TGM6: variants seen among roughly 807,000 people sequenced by gnomAD.
The protein encoded by TGM6 is protein-glutamine gamma-glutamyltransferase 6.
Under a neutral mutation model 77.5 loss-of-function variants are expected in TGM6, and 74 were observed. The observed-to-expected ratio is 0.96, with a 90% CI of 0.79 to 1.16. The LOEUF is 1.16. TGM6 is among the 50% of genes most tolerant of loss of function. TGM6 has a pLI of 0.00. For missense variants in TGM6, 968 were observed against 940.2 expected, an observed-to-expected ratio of 1.03 and a Z score of -0.39; for synonymous variants, 383 against 378.9, an observed-to-expected ratio of 1.01 and a Z score of -0.12.
chr20:2,396,383 T>A, intron 3 of TGM6, 123 bp from the exon 4 acceptor site: 2 of 941,346 alleles, frequency 2.1e-6, no homozygotes, highest in East Asian at 2.4e-5. Flanking sequence ...AGCCCCCTCT[T>A]GACCTCTCCT....
chr20:2,430,786 G>A, intron 11 of TGM6, 108 bp from the exon 12 acceptor site: 1 of 1,603,430 alleles, frequency 6.2e-7, no homozygotes, highest in South Asian at 1.1e-5. Context: ...GTATATGGAG[G>A]TGGGGGTGGA....
chr20:2,403,920 T>C (rs2084732421), intron 9 of TGM6, 97 bp downstream of exon 9: 2 of 1,595,852 alleles, frequency 1.3e-6, no homozygotes, highest in African/African-American at 1.3e-5. Flanking sequence ...CCTCACCCCA[T>C]GTATATGACG....
chr20:2,412,040 C>T (rs545104473), intron 9 of TGM6, among the ~76,000 whole-genome samples: 21 of 152,246 alleles, frequency 1.4e-4, no homozygotes, highest in African/African-American at 4.6e-4. Context: ...ACCCTGAATA[C>T]GCCCAATCTC....
chr20:2,394,327 G>T (rs578144225), intron 1 of TGM6, 125 bp from the exon 2 acceptor site: 1 of 1,104,116 alleles, frequency 9.1e-7, no homozygotes, highest in Admixed American at 1.9e-5. Flanking sequence ...ACAGAGAATC[G>T]CCGGTATATG....
At chr20:2,423,062 G>A (rs1173212355) in intron 10 of TGM6, among the ~76,000 whole-genome samples, 3 of 151,622 alleles carry the variant, frequency 2.0e-5, no homozygotes, top group Non-Finnish European at 4.4e-5. Context: ...ATAAAGCAGT[G>A]GCAGGGTTTG....
intron 10 of TGM6, among the ~76,000 whole-genome samples, chr20:2,421,112 G>A (rs905021564): frequency 2.0e-5 from 3 of 151,874 alleles, no homozygotes; most frequent in South Asian, 2.1e-4. Flanking sequence ...TCAGCCTCTC[G>A]AGTAGCTGGG....
chr20:2,403,970 G>A, intron 9 of TGM6, 147 bp downstream of exon 9: 2 of 1,344,272 alleles, frequency 1.5e-6, no homozygotes, highest in Non-Finnish European at 2.1e-6. Flanking sequence ...TGTGCTCTGA[G>A]CCAAGTGCCT....
Position 2,399,639 on chromosome 20 carries a change from TGGC to T in TGM6, c.753_755del (p.Trp251_Arg252delinsCys). On this transcript the variant is annotated inframe_deletion, in exon 6 of 13. Transcript: ENST00000202625. ...CGGCGGCGGCACCAGCCCGCTGCAC[TGGC>T]GCGGCAGCGTGGCCATTCTGCAGAA... The T allele has an allele frequency of 6.2e-7, 1 of 1,613,532 alleles. No homozygotes were observed. Among genetic ancestry groups the T allele is most frequent in the Non-Finnish European group, 8.5e-7 (1 of 1,179,992 alleles).
At chr20:2,428,735 G>A (rs2084905310) in intron 10 of TGM6, among the ~76,000 whole-genome samples, 1 of 152,080 alleles carries the variant, frequency 6.6e-6, no homozygotes, top group East Asian at 1.9e-4. Flanking sequence ...TCATGGAATT[G>A]TTGTAAGGAT....
At chr20:2,400,052 C>G (rs1309853318) in intron 6 of TGM6, among the ~76,000 whole-genome samples, 5 of 152,168 alleles carry the variant, frequency 3.3e-5, no homozygotes, top group Non-Finnish European at 7.4e-5. Context: ...TTCCTGCCAG[C>G]CTCAAAGCCT....
rs757198481 is a variant in TGM6 at position 2,417,559 on chromosome 20, T to C, written c.1664T>C (p.Leu555Pro). 1.2e-6 allele frequency: 2 copies of C among 1,601,872 alleles called. No homozygotes were observed. Among genetic ancestry groups the C allele is most frequent in the South Asian group, 2.2e-5 (2 of 90,834 alleles). ...EILHESHAVR[L>P]GPQEEKRIPI... ...CTGCATGAATCCCACGCCGTGAGGCTGGGGCCGCAAGAAGGTAAGTGTACG... is the reference window on the plus strand; with the variant it reads ...CTGCATGAATCCCACGCCGTGAGGCCGGGGCCGCAAGAAGGTAAGTGTACG... Residue 555 changes from leucine (L) to proline (P), a missense_variant, in exon 10 of 13, where the codon CTG (leucine) becomes CCG (proline). Physicochemically the swap from Leu to Pro is moderately conservative, Grantham distance 98 (BLOSUM62 -3). Coordinates refer to ENST00000202625, the MANE Select transcript of TGM6 (RefSeq NM_198994.3).
chr20:2,407,392 G>A (rs571244506), intron 9 of TGM6, among the ~76,000 whole-genome samples: 2 of 152,350 alleles, frequency 1.3e-5, no homozygotes, highest in African/African-American at 4.8e-5. Flanking sequence ...GCCAAGGTGG[G>A]CAGATCATCT....
intron 9 of TGM6, among the ~76,000 whole-genome samples, chr20:2,404,230 T>C (rs1478484788): frequency 1.1e-4 from 16 of 152,298 alleles, no homozygotes. Context: ...TAATAGCATC[T>C]CCTGTTTAGC....
At chr20:2,431,945 G>C (rs116514970) in intron 12 of TGM6, among the ~76,000 whole-genome samples, 35 of 152,356 alleles carry the variant, frequency 2.3e-4, no homozygotes, top group African/African-American at 7.2e-4. Context: ...AAGCCCAGAG[G>C]GGGGAAGTTC....
intron 9 of TGM6, among the ~76,000 whole-genome samples, chr20:2,408,100 C>A (rs1396210314): frequency 1.3e-5 from 2 of 152,176 alleles, no homozygotes; most frequent in East Asian, 3.8e-4. Flanking sequence ...TCCAGGAAGA[C>A]AGAGTCCAAC....
chr20:2,410,964 T>A (rs1366227256), intron 9 of TGM6, among the ~76,000 whole-genome samples: 1 of 152,180 alleles, frequency 6.6e-6, no homozygotes, highest in Non-Finnish European at 1.5e-5. Context: ...TAGTTCATAA[T>A]GAACTAGTAA....
chr20:2,415,563 G>A (rs2084810774), intron 9 of TGM6, among the ~76,000 whole-genome samples: 1 of 152,218 alleles, frequency 6.6e-6, no homozygotes, highest in South Asian at 2.1e-4. Context: ...ACCTCATGGT[G>A]AGGCAGTTTG....
At chr20:2,423,033 A>T (rs2084867048) in intron 10 of TGM6, among the ~76,000 whole-genome samples, 1 of 151,078 alleles carries the variant, frequency 6.6e-6, no homozygotes, top group Non-Finnish European at 1.5e-5. Context: ...CTCAATGTTG[A>T]TGGCTGCTAC....
intron 9 of TGM6, among the ~76,000 whole-genome samples, chr20:2,411,014 A>T (rs2084781438): frequency 6.6e-6 from 1 of 152,240 alleles, no homozygotes; most frequent in East Asian, 1.9e-4. Context: ...GGCCCAGATT[A>T]TGTCACTGGT....
Sources: gnomAD v4.1 joint callset for allele counts (sites outside exome capture counted in the v4.1 genomes callset) on GRCh38, gnomAD v4.1.1 for gene constraint, MANE v1.5 for transcripts, NCBI Gene and HGNC (gene_info 2026-07-23, HGNC 2026-07-21) for gene names.